Variants in FANCA observed in about 807,000 individuals in gnomAD.
FANCA encodes the protein FA complementation group A, also known as Fanconi anemia group A protein.
FANCA carries 236 observed loss-of-function variants against 194.3 expected under a neutral mutation model. That is an observed-to-expected ratio of 1.21 (90% confidence interval 1.09 to 1.35). The LOEUF (loss-of-function observed/expected upper bound fraction) is 1.35. FANCA is among the 40% of genes most tolerant of loss of function. FANCA has a pLI of 0.00. For missense variants in FANCA, 2,628 were observed against 1,813.9 expected (o/e 1.45, Z -8.15); for synonymous variants, 1,014 against 715.8 (o/e 1.42, Z -6.65).
chr16:89,791,614 C>G (rs1598152214), intron 13 of FANCA, 78 bp from the exon 14 acceptor site: 1 of 1,588,520 alleles, frequency 6.3e-7, no homozygotes, highest in Non-Finnish European at 8.6e-7. Context: ...GCTGGGTGAT[C>G]AAGTATTCCA....
intron 20 of FANCA, among the ~76,000 whole-genome samples, chr16:89,776,243 C>T (rs1399701665): frequency 2.1e-5 from 3 of 144,938 alleles, no homozygotes; most frequent in African/African-American, 7.6e-5. Context: ...TCTCGGCTCA[C>T]TGCAACCTCC....
chr16:89,791,183 G>C, intron 14 of FANCA: 1 of 616,016 alleles, frequency 1.6e-6, no homozygotes, highest in East Asian at 2.8e-5. Context: ...GGAGAACCCA[G>C]GCTCCTCGGA....
intron 2 of FANCA, among the ~76,000 whole-genome samples, chr16:89,815,420 GCTCACTGCAATTTCTGC>G (rs574784581): frequency 2.9e-5 from 4 of 140,102 alleles, no homozygotes; most frequent in Non-Finnish European, 6.0e-5. Context: ...CGTGATCTCG[GCTCACTGCAATTTCTGC>G]CTCCCGGGTC....
In FANCA at chr16:89,814,848, G is replaced by T. The variant is rs560783159; in HGVS notation, c.190-235C>A. ...CCCAGCCACTCGGGAGGCTGAGACG[G>T]GAGAATCACTTAAACCCGGGAGGTG... On this transcript the variant is annotated intron_variant, in intron 2 of 42. Transcript: ENST00000389301. 4.5e-4 allele frequency among the ~76,000 whole-genome samples: 68 copies of T among 152,112 alleles called. 1 individual carries two copies. Among genetic ancestry groups the T allele is most frequent in the Middle Eastern group, 3.4e-3 (1 of 294 alleles).
At chr16:89,810,686 G>T (rs750001224) in intron 5 of FANCA, 21 bp downstream of exon 5, 6 of 1,476,616 alleles carry the variant, frequency 4.1e-6, no homozygotes, top group Non-Finnish European at 5.7e-6. Context: ...TGGAGAGTCA[G>T]ATTTGCAATC....
chr16:89,758,594 C>G lies in FANCA; in HGVS notation c.2964G>C (p.Leu988=), dbSNP rs751495133. Residue 988 remains leucine (L), a synonymous_variant, in exon 30 of 43, where the codon CTG becomes CTC. Transcript: ENST00000389301. ...QAACTILVNA[L]MDFHQSSRSY... is the part of the protein sequence containing the mutation. ...CTGCTAACCTTTGGTGGAAATCCAT[C>G]AGTGCGTTGACAAGAATGGTACACG... is the stretch of plus-strand genomic sequence containing the variant. The G allele has an allele frequency of 4.3e-6, 7 of 1,613,774 alleles. No homozygotes were observed. The African/African-American group carries it at 6.7e-5, about 15-fold the overall frequency.
At chr16:89,758,524 A>G (rs2038836491) in intron 30 of FANCA, 53 bp downstream of exon 30, 12 of 1,601,192 alleles carry the variant, frequency 7.5e-6, no homozygotes, top group Non-Finnish European at 1.0e-5. Context: ...CTTTATATAT[A>G]TCCTATTAGT....
At chr16:89,811,679 G>C (rs1264571504) in intron 3 of FANCA, among the ~76,000 whole-genome samples, 2 of 152,102 alleles carry the variant, frequency 1.3e-5, no homozygotes. Context: ...CCTGGAAGCA[G>C]GCAATGCCAA....
At chr16:89,798,973 A>T (rs1332967746) in intron 10 of FANCA, 193 bp downstream of exon 10, 2 of 1,613,078 alleles carry the variant, frequency 1.2e-6, no homozygotes, top group East Asian at 4.5e-5. Context: ...TCCTCACAGG[A>T]AAAGGCTGAC....
At chr16:89,773,165 G>A in intron 22 of FANCA, 106 bp downstream of exon 22, 1 of 885,872 alleles carries the variant, frequency 1.1e-6, no homozygotes, top group East Asian at 2.6e-5. Context: ...GGACTACTAG[G>A]AAGACACACC....
chr16:89,806,046 G>A (rs1440267988), intron 6 of FANCA, among the ~76,000 whole-genome samples: 1 of 152,136 alleles, frequency 6.6e-6, no homozygotes, highest in Non-Finnish European at 1.5e-5. Context: ...CACAACGGCT[G>A]GGATTACAGG....
At chr16:89,789,991 C>G (rs966659413) in intron 14 of FANCA, among the ~76,000 whole-genome samples, 1 of 152,122 alleles carries the variant, frequency 6.6e-6, no homozygotes, top group African/African-American at 2.4e-5. Context: ...CACTTAGGTT[C>G]AGGAACAGCT....
intron 3 of FANCA, among the ~76,000 whole-genome samples, chr16:89,812,443 T>G (rs1277887352): frequency 6.7e-6 from 1 of 149,894 alleles, no homozygotes; most frequent in East Asian, 2.0e-4. Flanking sequence ...GGTCGGGAGT[T>G]TGAGACCAGC....
intron 6 of FANCA, among the ~76,000 whole-genome samples, chr16:89,806,993 T>A (rs2040679638): frequency 2.0e-5 from 3 of 151,986 alleles, no homozygotes; most frequent in Admixed American, 2.0e-4. Flanking sequence ...CTCCCCCACC[T>A]CCCTCCCGGA....
chr16:89,766,442 G>A (rs993469811), intron 27 of FANCA, among the ~76,000 whole-genome samples: 2 of 151,818 alleles, frequency 1.3e-5, no homozygotes, highest in African/African-American at 4.8e-5. Context: ...GGCACCAGCG[G>A]CTCACGCCTG....
rs773050347 is a variant in FANCA at position 89,799,228 on chromosome 16, T to C, written c.831A>G (p.Ala277=). The change falls in exon 10 of 43, where the codon GCA becomes GCG. Residue 277 remains alanine (A), a synonymous_variant. Coordinates refer to ENST00000389301, the MANE Select transcript of FANCA (RefSeq NM_000135.4). Reference sequence around the variant, plus strand: ...GTACTCCAGCAGCCAAAGCGTCAAGTGCAACTGAAGACAGAGCCAGGAACA... The same window carrying C: ...GTACTCCAGCAGCCAAAGCGTCAAGCGCAACTGAAGACAGAGCCAGGAACA... ...VDVLQRMLIF[A]LDALAAGVQE... is the part of the protein sequence containing the mutation. 4.3e-6 allele frequency: 7 copies of C among 1,614,016 alleles called. No individual in the cohort carries two copies. The highest frequency in any genetic ancestry group is 3.4e-6 in the Non-Finnish European group (4 of 1,180,044).
chr16:89,810,598 A>G, intron 5 of FANCA, 109 bp downstream of exon 5: 1 of 797,632 alleles, frequency 1.3e-6, no homozygotes, highest in Non-Finnish European at 2.3e-6. Flanking sequence ...GTAATTAATG[A>G]GAAGCTTGGA....
Position 89,769,823 on chromosome 16 carries a change from G to T in FANCA, c.2504+14C>A. 2 of 1,613,864 alleles carry T rather than the reference G, an allele frequency of 1.2e-6. No individual in the cohort carries two copies. Among genetic ancestry groups the T allele is most frequent in the Non-Finnish European group, 1.7e-6 (2 of 1,179,926 alleles). On this transcript the variant is annotated intron_variant, in intron 26 of 42. Transcript: ENST00000389301. ...AGAGAGGAGAGAAGACGCGACTGTG[G>T]AAGAAGAGCTCACTTCAGGCAGAAG...
At chr16:89,748,964 C>T (rs1012239582) in intron 32 of FANCA, among the ~76,000 whole-genome samples, 197 bp from the exon 33 acceptor site, 2 of 152,156 alleles carry the variant, frequency 1.3e-5, no homozygotes, top group African/African-American at 4.8e-5. Context: ...GTTTGGCCCA[C>T]TGCATTCAAA....
Sources: gnomAD v4.1 joint callset for allele counts (sites outside exome capture counted in the v4.1 genomes callset) on GRCh38, gnomAD v4.1.1 for gene constraint, MANE v1.5 for transcripts, NCBI Gene and HGNC (gene_info 2026-07-23, HGNC 2026-07-21) for gene names.